The following RYR2 variants were observed in gnomAD, a reference collection of about 807,000 sequenced individuals.
RYR2 encodes cardiac muscle ryanodine receptor-calcium release channel.
Under a neutral mutation model 601.1 loss-of-function variants are expected in RYR2, and 227 were observed. That is an observed-to-expected ratio of 0.38 (90% CI 0.34 to 0.42). The LOEUF (loss-of-function observed/expected upper bound fraction) is 0.42, where lower values mean the gene tolerates loss of function less well. Among genes scored for constraint, RYR2 ranks in the 10% least tolerant of loss-of-function variants. The pLI is 1.00. For synonymous variants in RYR2, 2,223 were observed against 2,175.1 expected, an observed-to-expected ratio of 1.02 and a Z score of -0.61; for missense variants, 4,646 against 6,156.5, an observed-to-expected ratio of 0.75 and a Z score of 8.21.
chr1:237,381,911 A>G (rs976955783), intron 8 of RYR2, among the ~76,000 whole-genome samples: 1 of 152,102 alleles, frequency 6.6e-6, no homozygotes, highest in Non-Finnish European at 1.5e-5. Context: ...AAAGGAAAGA[A>G]TTTTTTTTGC....
intron 1 of RYR2, among the ~76,000 whole-genome samples, chr1:237,197,781 T>C (rs899996979): frequency 6.6e-6 from 1 of 152,236 alleles, no homozygotes; most frequent in African/African-American, 2.4e-5. Flanking sequence ...ACATTTTTAA[T>C]AGCAGCTGTT....
At chr1:237,212,541 G>T (rs901082039) in intron 1 of RYR2, among the ~76,000 whole-genome samples, 1 of 152,118 alleles carries the variant, frequency 6.6e-6, no homozygotes, top group Non-Finnish European at 1.5e-5. Flanking sequence ...GGTGTTGGAG[G>T]CTGCAGGATG....
In RYR2 at chr1:237,747,870, A is replaced by G. The variant is rs189646066; in HGVS notation, c.11145+5521A>G. On this transcript the variant is annotated intron_variant, in intron 80 of 104. Transcript: ENST00000366574. ...TTCTTTAGTTCCTACTGCAGGAGGT[A>G]TATGGTATCCAAAATATGGACTAAA... is the stretch of plus-strand genomic sequence containing the variant. Among the ~76,000 whole-genome samples, 21 of 152,322 alleles carry G rather than the reference A, an allele frequency of 1.4e-4. No individual in the cohort carries two copies. The East Asian group carries it at 4.1e-3, about 29-fold the overall frequency.
chr1:237,591,888 C>T lies in RYR2; in HGVS notation c.4275+35C>T, dbSNP rs2618713. On this transcript the variant is annotated intron_variant, in intron 32 of 104. Transcript: ENST00000366574. ...TGCAGCTTTTGTCGTTTATTTCTAT[C>T]TGTCACTCATTATGTTTTACATCTC... 683,594 of 1,478,018 alleles carry T rather than the reference C, an allele frequency of 0.46. 163,182 individuals carry two copies. Among genetic ancestry groups the T allele is most frequent in the Admixed American group, 0.57 (31,247 of 54,802 alleles). The allele number at this position is 1,478,018 out of a possible 1,614,324, so 91.6% of individuals were successfully genotyped here. A position where few individuals can be genotyped will look rare whatever the true frequency, so the allele number is the denominator to read the frequency against.
At chr1:237,425,908 A>T (rs1484811430) in intron 12 of RYR2, among the ~76,000 whole-genome samples, 1 of 152,106 alleles carries the variant, frequency 6.6e-6, no homozygotes, top group African/African-American at 2.4e-5. Flanking sequence ...TTGAGGATGT[A>T]TAGTAGGTAT....
chr1:237,784,989 T>C lies in RYR2; in HGVS notation c.13260+17T>C, dbSNP rs1353798910. The C allele has an allele frequency of 5.9e-6, 9 of 1,523,788 alleles. No individual in the cohort carries two copies. Among genetic ancestry groups the C allele is most frequent in the Non-Finnish European group, 8.0e-6 (9 of 1,122,178 alleles). The allele number at this position is 1,523,788 out of a possible 1,614,324, so 94.4% of individuals were successfully genotyped here. ...AAATTTCAGGTAATTTATCTCTAAGTCACAGCAGCATTCTCTCTGGACTTC... is the reference window on the plus strand; with the variant it reads ...AAATTTCAGGTAATTTATCTCTAAGCCACAGCAGCATTCTCTCTGGACTTC... On this transcript the variant is annotated intron_variant, in intron 90 of 104. Coordinates refer to ENST00000366574, the MANE Select transcript of RYR2 (RefSeq NM_001035.3). The surrounding 1 kb of genome is among the most constrained non-coding windows in gnomAD (Gnocchi z 7.1).
chr1:237,683,928 T>TCTC (rs1686124881), intron 62 of RYR2, among the ~76,000 whole-genome samples: 1 of 150,536 alleles, frequency 6.6e-6, no homozygotes, highest in Non-Finnish European at 1.5e-5. Flanking sequence ...TGGGTCTTTT[T>TCTC]CTTCTTCTTC....
chr1:237,776,635 GTTC>G (rs1466497775), intron 87 of RYR2, among the ~76,000 whole-genome samples: 1 of 147,246 alleles, frequency 6.8e-6, no homozygotes, highest in African/African-American at 2.5e-5. Context: ...CCCCCTGAAG[GTTC>G]TTCTCTCTCT....
At chr1:237,733,383 TTTGC>T (rs1257482449) in intron 78 of RYR2, among the ~76,000 whole-genome samples, 2 of 152,176 alleles carry the variant, frequency 1.3e-5, no homozygotes, top group Non-Finnish European at 2.9e-5. Flanking sequence ...CTCATTTAAG[TTTGC>T]TTGTTTCAAG....
intron 6 of RYR2, among the ~76,000 whole-genome samples, chr1:237,372,372 A>G (rs375715980): frequency 6.6e-6 from 1 of 152,340 alleles, no homozygotes; most frequent in East Asian, 1.9e-4. Flanking sequence ...CTCAGTGATA[A>G]AGATTATCAG....
intron 63 of RYR2, among the ~76,000 whole-genome samples, chr1:237,688,878 C>T (rs1338109194): frequency 6.6e-6 from 1 of 152,124 alleles, no homozygotes. Flanking sequence ...TTCTAACTTC[C>T]TGCTTATTGT....
At position 237,447,857 on chromosome 1, in the gene RYR2, C is replaced by T. The variant is rs1337150272; in HGVS notation, c.1292+2335C>T. 5.4e-5 allele frequency among the ~76,000 whole-genome samples: 8 copies of T among 148,434 alleles called. No individual in the cohort carries two copies. In the East Asian group the frequency reaches 1.6e-3, roughly 29 times the overall value. On this transcript the variant is annotated intron_variant, in intron 14 of 104. Transcript: ENST00000366574. ...CCTCCCTCTTTCCCCTCCCTCCCTC[C>T]CTCTTTTCTTTTTTCTTTCCTTTTC...
chr1:237,273,806 G>A (rs1190147705), intron 2 of RYR2, among the ~76,000 whole-genome samples: 2 of 149,822 alleles, frequency 1.3e-5, no homozygotes, highest in Admixed American at 6.7e-5. Context: ...GAGTGTTAGG[G>A]AAGCCCAAAC....
chr1:237,351,871 A>G (rs1698877440), intron 3 of RYR2, among the ~76,000 whole-genome samples: 2 of 150,842 alleles, frequency 1.3e-5, no homozygotes, highest in African/African-American at 4.8e-5. Context: ...AAAAAAAAAA[A>G]AAAAAAAGGT....
intron 1 of RYR2, among the ~76,000 whole-genome samples, chr1:237,248,220 C>T (rs969302684): frequency 2.1e-5 from 3 of 141,626 alleles, no homozygotes; most frequent in East Asian, 4.4e-4. Flanking sequence ...TGCAGTGAGC[C>T]GAGATCACAC....
chr1:237,735,533 A>G (rs557844369), intron 79 of RYR2, among the ~76,000 whole-genome samples: 4 of 152,288 alleles, frequency 2.6e-5, no homozygotes, highest in Non-Finnish European at 5.9e-5. Context: ...GTTACAGGAC[A>G]TAAGGGAAAA....
At chr1:237,673,834 T>C (rs567459786) in intron 58 of RYR2, among the ~76,000 whole-genome samples, 1 of 152,320 alleles carries the variant, frequency 6.6e-6, no homozygotes, top group South Asian at 2.1e-4. Context: ...CGAGTGCAGA[T>C]ATTATTGTCA....
chr1:237,589,881 C>T lies in RYR2; in HGVS notation c.3687C>T (p.Ile1229=), dbSNP rs1414770463. 2 of 1,613,864 alleles carry T rather than the reference C, an allele frequency of 1.2e-6. No homozygotes were observed. Among genetic ancestry groups the T allele is most frequent in the Non-Finnish European group, 8.5e-7 (1 of 1,179,868 alleles). ...KDVSTLKYFT[I]CGLQEGYEPF... is the part of the protein sequence containing the mutation. ...TCAGCACCTTGAAATATTTCACCAT[C>T]TGTGGCTTACAAGAGGGCTATGAAC... The change falls in exon 30 of 105, where the codon ATC becomes ATT. Residue 1229 remains isoleucine (I), a synonymous_variant. Transcript: ENST00000366574.
intron 1 of RYR2, among the ~76,000 whole-genome samples, chr1:237,064,433 T>C (rs1406122059): frequency 6.6e-6 from 1 of 152,192 alleles, no homozygotes; most frequent in African/African-American, 2.4e-5. Flanking sequence ...AATACATGTA[T>C]CACATTTACG....
Sources: allele counts gnomAD v4.1 joint callset (sites outside exome capture counted in the v4.1 genomes callset), GRCh38; gene constraint gnomAD v4.1.1; non-coding constraint Gnocchi (gnomAD v3.1); transcripts MANE v1.5; gene names NCBI Gene and HGNC (gene_info 2026-07-23, HGNC 2026-07-21).